Variants in PPP4R4 observed in about 807,000 individuals in gnomAD.
PPP4R4 encodes the protein serine/threonine-protein phosphatase 4 regulatory subunit 4.
In PPP4R4, 70 loss-of-function variants were observed where a neutral mutation model predicts 121.8. That is an observed-to-expected ratio of 0.57 (90% CI 0.47 to 0.70). PPP4R4 has a LOEUF of 0.70. PPP4R4 is among the 30% of genes least tolerant of loss of function. The probability of loss-of-function intolerance (pLI) is 0.00; values close to 1 mark genes in which losing one functional copy is unlikely to be tolerated. For missense variants in PPP4R4, 875 were observed against 1,033.6 expected (o/e 0.85, Z 2.10); for synonymous variants, 348 against 355.7 (o/e 0.98, Z 0.24).
chr14:94,251,866 A>T lies in PPP4R4; in HGVS notation c.1835A>T (p.Glu612Val). 6.3e-7 allele frequency: 1 copy of T among 1,592,372 alleles called. No homozygotes were observed. Among genetic ancestry groups the T allele is most frequent in the Non-Finnish European group, 8.6e-7 (1 of 1,167,658 alleles). The change falls in exon 16 of 25, where the codon GAA (glutamate) becomes GTA (valine). Residue 612 changes from glutamate to valine, a missense_variant. Transcript: ENST00000304338. ...AAATATTTCTTTCTACCTGCTATTG[A>T]ACTGACACATGATCCAGTAGCAAAT... ...FCKYFFLPAI[E>V]LTHDPVANVR...
At chr14:94,253,034 G>T (rs1893273183) in intron 16 of PPP4R4, among the ~76,000 whole-genome samples, 1 of 152,162 alleles carries the variant, frequency 6.6e-6, no homozygotes, top group Non-Finnish European at 1.5e-5. Context: ...AAATCTAGAA[G>T]TTTTTCTTTT....
At chr14:94,274,630 A>G (rs1179266854) in intron 23 of PPP4R4, among the ~76,000 whole-genome samples, 3 of 152,188 alleles carry the variant, frequency 2.0e-5, no homozygotes, top group African/African-American at 4.8e-5. Context: ...GACTCACAAT[A>G]TCAAGTGTGT....
At chr14:94,196,878 T>C (rs138771237) in intron 2 of PPP4R4, among the ~76,000 whole-genome samples, 11 of 152,302 alleles carry the variant, frequency 7.2e-5, no homozygotes, top group African/African-American at 2.6e-4. Flanking sequence ...ATGTCTTTCA[T>C]GGTCTTTGGG....
In PPP4R4 at chr14:94,268,132, A is replaced by G. The variant is rs116066202; in HGVS notation, c.2449+1103A>G. On this transcript the variant is annotated intron_variant, in intron 23 of 24. Coordinates refer to ENST00000304338, the MANE Select transcript of PPP4R4 (RefSeq NM_058237.2). ...TCAGTAAAGCTGTGAATTCTTTAGG[A>G]GGTACTAAGGAACATTCAGAGTTTA... Among the ~76,000 whole-genome samples, 880 of 152,282 alleles carry G rather than the reference A, an allele frequency of 5.8e-3. 10 individuals are homozygous for G. The highest frequency in any genetic ancestry group is 0.02 in the African/African-American group (847 of 41,556).
chr14:94,226,884 A>G (rs1366199098), intron 3 of PPP4R4, among the ~76,000 whole-genome samples: 1 of 152,218 alleles, frequency 6.6e-6, no homozygotes, highest in Non-Finnish European at 1.5e-5. Flanking sequence ...AAACTTAAAC[A>G]CTTGCTCTTT....
intron 19 of PPP4R4, among the ~76,000 whole-genome samples, chr14:94,262,637 G>A (rs574394091): frequency 6.6e-6 from 1 of 151,932 alleles, no homozygotes; most frequent in Non-Finnish European, 1.5e-5. Flanking sequence ...GCTTTAAGTT[G>A]TCATATGTAT....
At chr14:94,209,587 A>G (rs1447089521) in intron 3 of PPP4R4, among the ~76,000 whole-genome samples, 1 of 152,102 alleles carries the variant, frequency 6.6e-6, no homozygotes, top group Non-Finnish European at 1.5e-5. Flanking sequence ...TTCAAAAGTA[A>G]ATCAAGCTTT....
intron 22 of PPP4R4, 48 bp from the exon 23 acceptor site, chr14:94,266,911 G>T (rs1203504572): frequency 8.1e-7 from 1 of 1,233,388 alleles, no homozygotes; most frequent in Non-Finnish European, 1.2e-6. Context: ...GACTGAGATT[G>T]TAAGAAGTGT....
intron 2 of PPP4R4, among the ~76,000 whole-genome samples, chr14:94,177,565 A>G (rs1204720745): frequency 6.6e-6 from 1 of 152,222 alleles, no homozygotes; most frequent in African/African-American, 2.4e-5. Flanking sequence ...TACAACAGTT[A>G]ATGATTTGAA....
intron 2 of PPP4R4, among the ~76,000 whole-genome samples, chr14:94,207,043 G>A (rs1406160042): frequency 6.6e-6 from 1 of 151,952 alleles, no homozygotes; most frequent in Non-Finnish European, 1.5e-5. Context: ...TATTCTCTGA[G>A]TTTTTCTTTT....
intron 2 of PPP4R4, among the ~76,000 whole-genome samples, chr14:94,194,320 A>C (rs963494667): frequency 2.6e-5 from 4 of 152,008 alleles, no homozygotes; most frequent in Admixed American, 2.6e-4. Flanking sequence ...TTTGTTTCTG[A>C]GTAAGTATCC....
At position 94,242,425 on chromosome 14, in the gene PPP4R4, G is replaced by C. The variant is rs373160696; in HGVS notation, c.1266+17G>C. 138 of 1,598,464 alleles carry C rather than the reference G, an allele frequency of 8.6e-5. No individual in the cohort carries two copies. The highest frequency in any genetic ancestry group is 1.1e-4 in the Non-Finnish European group (133 of 1,166,588). On this transcript the variant is annotated intron_variant, in intron 11 of 24. Transcript: ENST00000304338. ...TTTTATGAAGTAAGTCTGAAGACTT[G>C]ATATCACTTTACGTTTGTTGTTAAT...
At chr14:94,188,912 T>C (rs1347050614) in intron 2 of PPP4R4, among the ~76,000 whole-genome samples, 3 of 152,156 alleles carry the variant, frequency 2.0e-5, no homozygotes, top group Non-Finnish European at 4.4e-5. Context: ...ACATTGTATA[T>C]CTTGAATATG....
At chr14:94,226,325 C>T (rs1397854941) in intron 3 of PPP4R4, among the ~76,000 whole-genome samples, 2 of 151,948 alleles carry the variant, frequency 1.3e-5, no homozygotes, top group African/African-American at 4.8e-5. Flanking sequence ...TTATGTGTAC[C>T]TCCTCATGAA....
rs769696269 is a variant in PPP4R4, at chr14:94,233,695, G to C, written c.559G>C (p.Val187Leu). 15 of 1,606,316 alleles carry C rather than the reference G, an allele frequency of 9.3e-6. No homozygotes were observed. The highest frequency in any genetic ancestry group is 1.3e-5 in the Non-Finnish European group (15 of 1,174,804). ...LVSKAQLSQTVQSRLVSCKIL... is the reference protein window; with the variant it reads ...LVSKAQLSQTLQSRLVSCKIL... Reference sequence around the variant, plus strand: ...TTCCAAGGCACAACTTTCCCAAACAGTCCAGTCTCGTTTAGTTAGTTGTAA... The same window carrying C: ...TTCCAAGGCACAACTTTCCCAAACACTCCAGTCTCGTTTAGTTAGTTGTAA... Residue 187 changes from valine (V) to leucine (L), a missense_variant, in exon 6 of 25, where the codon GTC becomes CTC. Coordinates refer to ENST00000304338, the MANE Select transcript of PPP4R4 (RefSeq NM_058237.2).
chr14:94,192,130 A>G (rs576960765), intron 2 of PPP4R4, among the ~76,000 whole-genome samples: 2 of 152,300 alleles, frequency 1.3e-5, no homozygotes, highest in East Asian at 3.9e-4. Context: ...CTTTGGTCCT[A>G]CTAAAAAATA....
Position 94,259,335 on chromosome 14 carries a change from A to G in PPP4R4, c.2093A>G (p.Glu698Gly), listed in dbSNP as rs758689200. 1 of 1,611,182 alleles carries G rather than the reference A, an allele frequency of 6.2e-7. No homozygotes were observed. The highest frequency in any genetic ancestry group is 1.3e-5 in the African/African-American group (1 of 74,664). The change falls in exon 19 of 25, where the codon GAG becomes GGG. Residue 698 changes from glutamate (E) to glycine (G), a missense_variant. By Grantham distance (98) the Glu-to-Gly change is moderately conservative. Coordinates refer to ENST00000304338, the MANE Select transcript of PPP4R4 (RefSeq NM_058237.2). The stretch of plus-strand genomic sequence containing the variant: ...TATGAGAAAGATTTGTTGGATCAAG[A>G]GAAAGAAAGAGAAGAACTACTTCTT... ...KFYEKDLLDQ[E>G]KEREELLLLE...
At chr14:94,250,135 G>A (rs1893099463) in intron 14 of PPP4R4, 37 bp from the exon 15 acceptor site, 6 of 1,352,166 alleles carry the variant, frequency 4.4e-6, no homozygotes, top group Admixed American at 1.7e-5. Context: ...ACTAGAATTA[G>A]CCTAGTGTAA....
chr14:94,203,504 A>T (rs1890302855), intron 2 of PPP4R4, among the ~76,000 whole-genome samples: 1 of 152,186 alleles, frequency 6.6e-6, no homozygotes, highest in African/African-American at 2.4e-5. Flanking sequence ...TTGTTCAAAT[A>T]AAGGTGTTAT....
Sources: allele counts gnomAD v4.1 joint callset (sites outside exome capture counted in the v4.1 genomes callset), GRCh38; gene constraint gnomAD v4.1.1; transcripts MANE v1.5; gene names NCBI Gene and HGNC (gene_info 2026-07-23, HGNC 2026-07-21).